Variants in PRKN observed in about 807,000 individuals in gnomAD.
The protein encoded by PRKN is parkin RBR E3 ubiquitin protein ligase.
A neutral mutation model predicts 59.5 loss-of-function variants in PRKN; 56 were observed. The ratio of observed to expected loss-of-function variants is 0.94; its 90% CI spans 0.76 to 1.18. PRKN has a LOEUF of 1.18. PRKN is among the 50% of genes most tolerant of loss of function. The pLI, the probability that PRKN is intolerant of heterozygous loss-of-function variation, is 0.00. For missense variants in PRKN, 657 were observed against 596.4 expected (o/e 1.10, Z -1.06); for synonymous variants, 250 against 222.1 (o/e 1.13, Z -1.12).
At chr6:162,394,598 A>G (rs1787381742) in intron 2 of PRKN, among the ~76,000 whole-genome samples, 1 of 152,326 alleles carries the variant, frequency 6.6e-6, no homozygotes, top group South Asian at 2.1e-4. Context: ...CCCGGTAGAA[A>G]TTTCATTTCC....
intron 4 of PRKN, among the ~76,000 whole-genome samples, chr6:162,110,055 A>G (rs1780356691): frequency 6.6e-6 from 1 of 152,234 alleles, no homozygotes; most frequent in Non-Finnish European, 1.5e-5. Context: ...GTTGTTTGCA[A>G]CAGTTTAAGT....
chr6:162,361,797 T>C (rs1385592149), intron 2 of PRKN, among the ~76,000 whole-genome samples: 1 of 152,194 alleles, frequency 6.6e-6, no homozygotes, highest in Non-Finnish European at 1.5e-5. Flanking sequence ...AAGAGTCCTA[T>C]CTGCTCACGT....
rs1256657922 is a variant in PRKN at position 161,463,025 on chromosome 6, A to G, written c.1084-76148T>C. 6.6e-6 allele frequency among the ~76,000 whole-genome samples: 1 copy of G among 152,232 alleles called. No homozygotes were observed. Among genetic ancestry groups the G allele is most frequent in the Non-Finnish European group, 1.5e-5 (1 of 68,036 alleles). On this transcript the variant is annotated intron_variant, in intron 9 of 11. Transcript: ENST00000366898. This position sits in a 1 kb window ranked among gnomAD's most constrained non-coding sequence, Gnocchi z 4.8. ...GTACTGGAAGCAACAGGAAAGTCAG[A>G]GAGATAAATACTTACATAAATACTA...
chr6:162,461,143 A>T (rs76608906), intron 1 of PRKN, among the ~76,000 whole-genome samples: 1,642 of 152,016 alleles, frequency 0.011, 30 homozygotes, highest in African/African-American at 0.037. Flanking sequence ...ATGTACAAGA[A>T]TATGATACAT....
intron 7 of PRKN, among the ~76,000 whole-genome samples, chr6:161,758,092 C>A (rs578128383): frequency 6.6e-6 from 1 of 151,448 alleles, no homozygotes; most frequent in African/African-American, 2.4e-5. Context: ...TGAGTAGGAA[C>A]TGGAGCAACT....
rs986434219 is a variant in PRKN at position 161,451,089 on chromosome 6, C to T, written c.1084-64212G>A. ...GAAGCCTTGAGGACTAGAACAGAAC[C>T]GATGGAAAGAGAACTGGCAAGGGGC... is the stretch of plus-strand genomic sequence containing the variant. On this transcript the variant is annotated intron_variant, in intron 9 of 11. Transcript: ENST00000366898. The surrounding 1 kb of genome is among the most constrained non-coding windows in gnomAD (Gnocchi z 5.9). 2.6e-5 allele frequency among the ~76,000 whole-genome samples: 4 copies of T among 152,010 alleles called. No individual in the cohort carries two copies. Among genetic ancestry groups the T allele is most frequent in the Non-Finnish European group, 5.9e-5 (4 of 68,020 alleles).
In PRKN at chr6:161,363,225, G is replaced by T. The variant is rs1381078140; in HGVS notation, c.1168-3020C>A. Among the ~76,000 whole-genome samples, 1 of 152,164 alleles carries T rather than the reference G, an allele frequency of 6.6e-6. No individual in the cohort carries two copies. The highest frequency in any genetic ancestry group is 2.4e-5 in the African/African-American group (1 of 41,430). On this transcript the variant is annotated intron_variant, in intron 10 of 11. Transcript: ENST00000366898. The surrounding 1 kb of genome is among the most constrained non-coding windows in gnomAD (Gnocchi z 4.1). ...CCACTGCATTCCAGTCCCGGTGATG[G>T]AGTGGGACTCTGTCTCAAAAAAACT...
intron 7 of PRKN, among the ~76,000 whole-genome samples, chr6:161,692,831 C>T (rs1024771408): frequency 1.3e-5 from 2 of 151,866 alleles, no homozygotes; most frequent in African/African-American, 2.4e-5. Flanking sequence ...ACCTGTAATC[C>T]CAGCTACTTG....
intron 7 of PRKN, among the ~76,000 whole-genome samples, chr6:161,751,927 G>A (rs900312910): frequency 2.6e-5 from 4 of 152,192 alleles, no homozygotes; most frequent in African/African-American, 4.8e-5. Context: ...CAGGTGCAAA[G>A]GCCCTGCACG....
intron 7 of PRKN, among the ~76,000 whole-genome samples, chr6:161,646,454 C>T (rs1278105003): frequency 1.2e-4 from 9 of 76,286 alleles, no homozygotes; most frequent in South Asian, 1.0e-3. Context: ...GTGGAGGAGG[C>T]GGCGTATTAG....
intron 4 of PRKN, among the ~76,000 whole-genome samples, chr6:162,199,827 C>G (rs186921988): frequency 6.6e-6 from 1 of 152,258 alleles, no homozygotes; most frequent in Admixed American, 6.5e-5. Context: ...TCCATGATTT[C>G]TCCTTTATTA....
chr6:161,923,197 T>C (rs778541519), intron 6 of PRKN, among the ~76,000 whole-genome samples: 1 of 152,194 alleles, frequency 6.6e-6, no homozygotes, highest in Non-Finnish European at 1.5e-5. Context: ...GATTCTGCAG[T>C]TGGGGGCCAG....
chr6:162,286,098 C>G lies in PRKN; in HGVS notation c.172-23333G>C, dbSNP rs1314713859. ...GTCAATAAACTTTCTAGAGATTACT[C>G]TGCACAGCCAAAATTTTAAAATGAT... On this transcript the variant is annotated intron_variant, in intron 2 of 11. Transcript: ENST00000366898. Among the ~76,000 whole-genome samples, 4 of 152,138 alleles carry G rather than the reference C, an allele frequency of 2.6e-5. 1 individual carries two copies. Among genetic ancestry groups the G allele is most frequent in the Non-Finnish European group, 5.9e-5 (4 of 68,030 alleles).
rs561828681 is a variant in PRKN, at chr6:162,170,521, G to T, written c.534+30610C>A. Reference sequence around the variant, plus strand: ...AGTATAACATTAACAATTTAGAAAAGATATTATTTTCCCCTAATAAATTCT... The same window carrying T: ...AGTATAACATTAACAATTTAGAAAATATATTATTTTCCCCTAATAAATTCT... On this transcript the variant is annotated intron_variant, in intron 4 of 11. Coordinates refer to ENST00000366898, the MANE Select transcript of PRKN (RefSeq NM_004562.3). 5.3e-5 allele frequency among the ~76,000 whole-genome samples: 8 copies of T among 152,306 alleles called. No homozygotes were observed. The East Asian group carries it at 1.2e-3, about 22-fold the overall frequency.
At chr6:162,177,448 G>A (rs1470046487) in intron 4 of PRKN, among the ~76,000 whole-genome samples, 4 of 152,036 alleles carry the variant, frequency 2.6e-5, no homozygotes, top group African/African-American at 9.7e-5. Context: ...TAATGAGAGT[G>A]CATTGCATTA....
At chr6:161,842,849 C>A (rs941881940) in intron 6 of PRKN, among the ~76,000 whole-genome samples, 2 of 152,190 alleles carry the variant, frequency 1.3e-5, no homozygotes, top group African/African-American at 4.8e-5. Context: ...CACCCCGCCT[C>A]TTCCTTCTCT....
intron 6 of PRKN, among the ~76,000 whole-genome samples, chr6:161,972,731 A>G (rs1383363358): frequency 1.3e-5 from 2 of 152,140 alleles, no homozygotes; most frequent in Non-Finnish European, 2.9e-5. Flanking sequence ...TGGTGTTCAT[A>G]AATTTTTTTT....
chr6:162,488,114 C>T (rs951379364), intron 1 of PRKN, among the ~76,000 whole-genome samples: 2 of 148,478 alleles, frequency 1.3e-5, no homozygotes, highest in African/African-American at 5.0e-5. Flanking sequence ...TTCACTTGTC[C>T]TGATAAAATC....
At chr6:161,477,897 C>A (rs1300858742) in intron 9 of PRKN, among the ~76,000 whole-genome samples, 1 of 152,050 alleles carries the variant, frequency 6.6e-6, no homozygotes, top group Non-Finnish European at 1.5e-5. Flanking sequence ...GACAAGATGG[C>A]GACCAGTCTC....
Sources: allele counts gnomAD v4.1 joint callset (sites outside exome capture counted in the v4.1 genomes callset), GRCh38; gene constraint gnomAD v4.1.1; non-coding constraint Gnocchi (gnomAD v3.1); transcripts MANE v1.5; gene names NCBI Gene and HGNC (gene_info 2026-07-23, HGNC 2026-07-21).